FGF13: variants seen among roughly 807,000 people sequenced by gnomAD.
The protein encoded by FGF13 is fibroblast growth factor 13.
Under a neutral mutation model 19.5 loss-of-function variants are expected in FGF13, and 2 were observed. The ratio of observed to expected loss-of-function variants is 0.10; its 90% CI spans 0.04 to 0.32. The LOEUF (loss-of-function observed/expected upper bound fraction) is 0.32, where lower values mean the gene tolerates loss of function less well. Among genes scored for constraint, FGF13 ranks in the 10% least tolerant of loss-of-function variants. The pLI is 1.00. For synonymous variants in FGF13, 72 were observed against 76.9 expected (o/e 0.94, Z 0.33); for missense variants, 113 against 192.7 (o/e 0.59, Z 2.45).
intron 3 of FGF13, among the ~76,000 whole-genome samples, chrX:138,660,443 C>A (rs781093863): frequency 2.1e-4 from 23 of 111,505 alleles, no homozygotes; most frequent in Non-Finnish European, 4.1e-4. Flanking sequence ...TCATGACACA[C>A]ATTTAATTTT....
chrX:139,183,925 G>A (rs964081403), intron 1 of FGF13, among the ~76,000 whole-genome samples: 7 of 111,397 alleles, frequency 6.3e-5, no homozygotes, highest in African/African-American at 2.0e-4. Flanking sequence ...CACTTTGCAG[G>A]TCCTCTGGAG....
chrX:138,807,788 G>A (rs1361013168), intron 3 of FGF13, among the ~76,000 whole-genome samples: 2 of 111,566 alleles, frequency 1.8e-5, no homozygotes, highest in Admixed American at 1.9e-4. Context: ...AGCAGGGGTT[G>A]CAATCCTAGT....
At chrX:139,049,174 C>T (rs886072658) in intron 1 of FGF13, among the ~76,000 whole-genome samples, 2 of 110,980 alleles carry the variant, frequency 1.8e-5, no homozygotes, top group Non-Finnish European at 3.8e-5. Flanking sequence ...AAATTGAAAT[C>T]GTGGAGATAG....
At chrX:138,637,054 A>G (rs1246884538) in intron 3 of FGF13, among the ~76,000 whole-genome samples, 2 of 111,706 alleles carry the variant, frequency 1.8e-5, no homozygotes, top group East Asian at 2.8e-4. Flanking sequence ...CATCTTCCCA[A>G]TCTGGCTCCC....
chrX:138,821,172 G>T (rs1281434593), intron 3 of FGF13, among the ~76,000 whole-genome samples: 1 of 111,205 alleles, frequency 9.0e-6, no homozygotes, highest in Non-Finnish European at 1.9e-5. Context: ...CAATGGTAAA[G>T]CCTTCATCTT....
chrX:138,674,385 G>C lies in FGF13; in HGVS notation c.402+28599C>G, dbSNP rs180872728. 2.7e-5 allele frequency among the ~76,000 whole-genome samples: 3 copies of C among 111,910 alleles called. No individual in the cohort carries two copies. The East Asian group carries it at 8.5e-4, about 32-fold the overall frequency. On this transcript the variant is annotated intron_variant, in intron 3 of 4. Coordinates refer to ENST00000315930, the MANE Select transcript of FGF13 (RefSeq NM_004114.5). ...AGCATGGTTGTATTTTCCTCCAGCA[G>C]AACTAGTATAGATGCTGAATTAGCA...
At chrX:139,071,825 G>A (rs1236770354) in intron 1 of FGF13, among the ~76,000 whole-genome samples, 1 of 108,533 alleles carries the variant, frequency 9.2e-6, no homozygotes, top group African/African-American at 3.4e-5. Flanking sequence ...AGACCATCCT[G>A]GCCAACATGG....
chrX:138,655,132 G>T (rs1198035553), intron 3 of FGF13, among the ~76,000 whole-genome samples: 2 of 111,572 alleles, frequency 1.8e-5, no homozygotes, highest in Non-Finnish European at 3.8e-5. Flanking sequence ...TTTTCTTGTT[G>T]TTTTGTTAAT....
intron 1 of FGF13, among the ~76,000 whole-genome samples, chrX:138,912,803 T>C (rs890852083): frequency 8.9e-6 from 1 of 111,790 alleles, no homozygotes; most frequent in Non-Finnish European, 1.9e-5. Context: ...GAAGTTGCCA[T>C]TCAAAATGGC....
intron 3 of FGF13, among the ~76,000 whole-genome samples, chrX:138,760,347 T>G (rs1413677677): frequency 1.8e-5 from 2 of 111,699 alleles, no homozygotes; most frequent in Non-Finnish European, 3.8e-5. Context: ...ATAAAATCCC[T>G]TTGCAAGTGC....
chrX:139,078,638 C>T (rs918493428), intron 1 of FGF13, among the ~76,000 whole-genome samples: 8 of 112,842 alleles, frequency 7.1e-5, no homozygotes, highest in Admixed American at 4.7e-4. Flanking sequence ...TTTCTGTCTA[C>T]ATCCTCTGCT....
chrX:138,829,073 C>T (rs2091053903), intron 3 of FGF13, among the ~76,000 whole-genome samples: 1 of 111,699 alleles, frequency 9.0e-6, no homozygotes, highest in African/African-American at 3.3e-5. Context: ...TGAACTAATG[C>T]TGTTATAACA....
At position 138,711,490 on chromosome X, in the gene FGF13, A is replaced by AGGAGG; in HGVS notation, c.-488_-487insCCTCC. On this transcript the variant is annotated 5_prime_UTR_variant, in exon 1 of 5. Transcript: ENST00000315930. ...GCTCGGGCGGCCGGACGGAGGAGGG[A>AGGAGG]CGAGGCAGCGCGCGGGGGAGCGCGC... is the stretch of plus-strand genomic sequence containing the variant. The AGGAGG allele has an allele frequency of 2.7e-6, 2 of 749,476 alleles. No homozygotes were observed. The highest frequency in any genetic ancestry group is 3.2e-6 in the Non-Finnish European group (2 of 634,092). 61.8% of individuals were successfully genotyped at this position (749,476 alleles called of 1,213,427 possible).
intron 1 of FGF13, among the ~76,000 whole-genome samples, chrX:138,886,247 A>G (rs1470769100): frequency 1.8e-5 from 2 of 111,961 alleles, no homozygotes; most frequent in Non-Finnish European, 3.8e-5. Context: ...CCCCACCCCA[A>G]TGAGCTGCAT....
At chrX:138,662,546 G>A (rs780847903) in intron 3 of FGF13, among the ~76,000 whole-genome samples, 28 of 111,363 alleles carry the variant, frequency 2.5e-4, no homozygotes, top group African/African-American at 7.8e-4. Flanking sequence ...GAAAATTTCC[G>A]TTTTTAAATG....
chrX:138,857,707 T>C (rs1447461282), intron 2 of FGF13: 2 of 1,109,332 alleles, frequency 1.8e-6, no homozygotes, highest in Non-Finnish European at 2.4e-6. Context: ...CAAAATGAAC[T>C]CAAGTTAGAG....
chrX:138,997,503 T>G (rs928419352), intron 1 of FGF13, among the ~76,000 whole-genome samples: 1 of 111,723 alleles, frequency 9.0e-6, no homozygotes, highest in African/African-American at 3.3e-5. Context: ...CTGATGAAGC[T>G]GAAAAACGCA....
At chrX:139,073,396 G>A (rs751635593) in intron 1 of FGF13, among the ~76,000 whole-genome samples, 97 of 111,360 alleles carry the variant, frequency 8.7e-4, no homozygotes, top group South Asian at 5.4e-3. Flanking sequence ...CATAAGAGCT[G>A]TTATGAAGCC....
Position 139,010,831 on chromosome X carries a change from CA to C in FGF13, c.-112-146182del, listed in dbSNP as rs34458790. Among the ~76,000 whole-genome samples, 891 of 100,899 alleles carry C rather than the reference CA, an allele frequency of 8.8e-3. 3 individuals carry two copies. The highest frequency in any genetic ancestry group is 0.019 in the African/African-American group (518 of 27,816). The allele number at this position is 100,899 out of a possible 115,157, so 87.6% of individuals were successfully genotyped here. On this transcript the variant is annotated intron_variant, in intron 1 of 2. Coordinates refer to the FGF13 transcript ENST00000421460. ...AGAGCAGAACTAAATGAAATTGAAA[CA>C]AAAAAAAAATACAAAAGATAATGAA...
Sources: allele counts gnomAD v4.1 joint callset (sites outside exome capture counted in the v4.1 genomes callset), GRCh38; gene constraint gnomAD v4.1.1; transcripts MANE v1.5; gene names NCBI Gene and HGNC (gene_info 2026-07-23, HGNC 2026-07-21).